Variants in CAST observed in about 807,000 individuals in gnomAD.
The protein encoded by CAST is MIR583 host.
A neutral mutation model predicts 119.6 loss-of-function variants in CAST; 76 were observed. The observed-to-expected ratio is 0.64, with a 90% CI of 0.53 to 0.77. The LOEUF (loss-of-function observed/expected upper bound fraction) is 0.77, where lower values mean the gene tolerates loss of function less well. CAST is among the 30% of genes least tolerant of loss of function. The pLI, the probability that CAST is intolerant of heterozygous loss-of-function variation, is 0.00. For synonymous variants in CAST, 319 were observed against 331.6 expected (o/e 0.96, Z 0.41); for missense variants, 953 against 946.5 (o/e 1.01, Z -0.09).
chr5:96,709,576 A>C (rs1447327634), intron 3 of CAST, among the ~76,000 whole-genome samples: 1 of 152,202 alleles, frequency 6.6e-6, no homozygotes, highest in East Asian at 1.9e-4. Context: ...GACCTGAACA[A>C]TGTGTTTAAA....
chr5:96,282,171 C>T, the CAST span, among the ~76,000 whole-genome samples: 2 of 12,790 alleles, frequency 1.6e-4, no homozygotes, highest in African/African-American at 3.4e-4. Context: ...TGTGTGTTGG[C>T]GGGGTGGGGG....
At chr5:96,107,552 C>A in the CAST span, among the ~76,000 whole-genome samples, 6 of 152,054 alleles carry the variant, frequency 3.9e-5, no homozygotes, top group Non-Finnish European at 8.8e-5. Context: ...AATACTGGCC[C>A]CCACTCTCTT....
the CAST span, among the ~76,000 whole-genome samples, chr5:96,455,935 A>C: frequency 6.6e-6 from 1 of 152,220 alleles, no homozygotes; most frequent in Admixed American, 6.5e-5. Flanking sequence ...TATCTCCAGC[A>C]CCTGGCCCAG....
the CAST span, among the ~76,000 whole-genome samples, chr5:96,465,942 G>C: frequency 6.6e-6 from 1 of 152,028 alleles, no homozygotes; most frequent in Non-Finnish European, 1.5e-5. Flanking sequence ...TCCGTGACTT[G>C]AGTTTATAAC....
chr5:96,090,915 T>A, the CAST span, among the ~76,000 whole-genome samples: 1 of 152,066 alleles, frequency 6.6e-6, no homozygotes, highest in African/African-American at 2.4e-5. Flanking sequence ...AGAGGAGGAC[T>A]GAGTTCTTCT....
At chr5:96,289,154 T>G in the CAST span, among the ~76,000 whole-genome samples, 1 of 152,124 alleles carries the variant, frequency 6.6e-6, no homozygotes, top group East Asian at 1.9e-4. Flanking sequence ...TTGTTAGAAC[T>G]GATAATCATG....
At position 96,729,849 on chromosome 5, in the gene CAST, G is replaced by C. The variant is rs991517488; in HGVS notation, c.549+124G>C. On this transcript the variant is annotated intron_variant, in intron 8 of 31. Transcript: ENST00000675179. The stretch of plus-strand genomic sequence containing the variant: ...TGTGCTGAATATATTTTGTATTATA[G>C]TGATTTGGTATTATTATTTTGTTGG... 3 of 618,700 alleles carry C rather than the reference G, an allele frequency of 4.8e-6. No individual in the cohort carries two copies. The African/African-American group carries it at 5.6e-5, about 11-fold the overall frequency. 38.3% of individuals were successfully genotyped at this position (618,700 alleles called of 1,614,324 possible). A position where few individuals can be genotyped will look rare whatever the true frequency, so the allele number is the denominator to read the frequency against.
Position 96,765,327 on chromosome 5 carries a change from TAAAAA to T in CAST, c.2037+24_2037+28del, listed in dbSNP as rs59338324. 0.058 allele frequency: 29,205 copies of T among 502,106 alleles called. 178 individuals carry two copies. Among genetic ancestry groups the T allele is most frequent in the South Asian group, 0.072 (2,397 of 33,206 alleles). 31.1% of individuals were successfully genotyped at this position (502,106 alleles called of 1,614,324 possible). A position where few individuals can be genotyped will look rare whatever the true frequency, so the allele number is the denominator to read the frequency against. On this transcript the variant is annotated splice_donor_5th_base_variant and intron_variant, in intron 26 of 31. Transcript: ENST00000675179. ...AAACCAATGGAAGATAAAGTAAAGG[TAAAAA>T]AAAAAAAAAAAAAAAAAAAAATTCA... is the stretch of plus-strand genomic sequence containing the variant.
At chr5:96,288,660 A>G in the CAST span, among the ~76,000 whole-genome samples, 1 of 152,312 alleles carries the variant, frequency 6.6e-6, no homozygotes, top group Non-Finnish European at 1.5e-5. Context: ...CCTTAGACAT[A>G]TGACTATGTT....
chr5:96,148,282 A>G, the CAST span, among the ~76,000 whole-genome samples: 1 of 152,206 alleles, frequency 6.6e-6, no homozygotes. Context: ...TGTTGAAACA[A>G]TATGATAATG....
At chr5:96,158,053 C>A in the CAST span, among the ~76,000 whole-genome samples, 1 of 143,974 alleles carries the variant, frequency 6.9e-6, no homozygotes, top group Non-Finnish European at 1.5e-5. Flanking sequence ...CCCCTTACAC[C>A]CCCCCAAAAC....
the CAST span, among the ~76,000 whole-genome samples, chr5:96,039,964 G>A: frequency 2.6e-5 from 4 of 152,150 alleles, no homozygotes; most frequent in African/African-American, 2.4e-5. Flanking sequence ...ACTTTGGGCA[G>A]TAAGGCCATT....
chr5:96,287,632 T>G, the CAST span, among the ~76,000 whole-genome samples: 3 of 152,172 alleles, frequency 2.0e-5, no homozygotes, highest in South Asian at 6.2e-4. Context: ...AAGAACTATA[T>G]AAAACACTTT....
chr5:96,535,899 T>C (rs1745802643), intron 1 of CAST, among the ~76,000 whole-genome samples: 1 of 152,072 alleles, frequency 6.6e-6, no homozygotes, highest in Non-Finnish European at 1.5e-5. Context: ...AACCTAAGTA[T>C]GTCCTCAGTG....
the CAST span, among the ~76,000 whole-genome samples, chr5:96,108,804 C>G: frequency 6.6e-6 from 1 of 152,270 alleles, no homozygotes; most frequent in Admixed American, 6.5e-5. Flanking sequence ...TGGGCAATGG[C>G]AGGCGCCCCT....
chr5:95,988,076 T>C, the CAST span, among the ~76,000 whole-genome samples: 1 of 152,212 alleles, frequency 6.6e-6, no homozygotes, highest in African/African-American at 2.4e-5. Flanking sequence ...TTAGCTTTTG[T>C]CAGGTAAGTA....
chr5:96,214,452 T>C, the CAST span, among the ~76,000 whole-genome samples: 3 of 152,172 alleles, frequency 2.0e-5, no homozygotes, highest in Non-Finnish European at 4.4e-5. Flanking sequence ...ACTACCCAAA[T>C]GGAGGAAAGC....
At chr5:96,726,065 A>G (rs2150419300) in intron 4 of CAST, among the ~76,000 whole-genome samples, 1 of 152,342 alleles carries the variant, frequency 6.6e-6, no homozygotes, top group South Asian at 2.1e-4. Context: ...AAAAATAAAT[A>G]AATAAAAACC....
chr5:96,620,517 A>G (rs1428584827), intron 1 of CAST, among the ~76,000 whole-genome samples: 2 of 152,028 alleles, frequency 1.3e-5, no homozygotes, highest in South Asian at 2.1e-4. Flanking sequence ...TCTGCAGTGT[A>G]CTCTGTACCA....
Sources: gnomAD v4.1 joint callset for allele counts (sites outside exome capture counted in the v4.1 genomes callset) on GRCh38, gnomAD v4.1.1 for gene constraint, MANE v1.5 for transcripts, NCBI Gene and HGNC (gene_info 2026-07-23, HGNC 2026-07-21) for gene names.